Variants in EBF2 observed in about 807,000 individuals in gnomAD.
EBF2 encodes the protein transcription factor COE2.
A neutral mutation model predicts 72.8 loss-of-function variants in EBF2; 21 were observed. The ratio of observed to expected loss-of-function variants is 0.29; its 90% CI spans 0.20 to 0.42. EBF2 has a LOEUF of 0.42. Ranked by LOEUF, EBF2 falls within the 10% of genes least tolerant of loss-of-function variation. The probability of loss-of-function intolerance (pLI) is 1.00; values close to 1 mark genes in which losing one functional copy is unlikely to be tolerated. For synonymous variants in EBF2, 299 were observed against 274.2 expected (o/e 1.09, Z -0.89); for missense variants, 637 against 731.2 (o/e 0.87, Z 1.49).
chr8:25,871,245 G>A (rs1410337696), intron 10 of EBF2, among the ~76,000 whole-genome samples: 1 of 152,062 alleles, frequency 6.6e-6, no homozygotes, highest in Non-Finnish European at 1.5e-5. Flanking sequence ...TAGCTAATGA[G>A]GTGCCCAAGA....
At chr8:26,006,512 T>C (rs942045509) in intron 6 of EBF2, among the ~76,000 whole-genome samples, 1 of 152,244 alleles carries the variant, frequency 6.6e-6, no homozygotes, top group Non-Finnish European at 1.5e-5. Context: ...TCTTCATGGA[T>C]GTAGGGTTGT....
At chr8:25,879,937 A>G (rs996023948) in intron 10 of EBF2, among the ~76,000 whole-genome samples, 3 of 152,134 alleles carry the variant, frequency 2.0e-5, no homozygotes, top group Non-Finnish European at 4.4e-5. Context: ...GCATTTATTT[A>G]TTAGTGCAGT....
chr8:25,935,788 T>C (rs1223143288), intron 6 of EBF2, among the ~76,000 whole-genome samples: 1 of 152,228 alleles, frequency 6.6e-6, no homozygotes, highest in Non-Finnish European at 1.5e-5. Context: ...GATGTAGATG[T>C]CCTTCTTTTT....
At chr8:25,973,709 C>T (rs1249534347) in intron 6 of EBF2, among the ~76,000 whole-genome samples, 1 of 152,116 alleles carries the variant, frequency 6.6e-6, no homozygotes, top group Non-Finnish European at 1.5e-5. Context: ...CAGGGTCACA[C>T]TCTGTTGCCC....
intron 7 of EBF2, among the ~76,000 whole-genome samples, chr8:25,896,243 A>C (rs1802862648): frequency 6.6e-6 from 1 of 152,232 alleles, no homozygotes; most frequent in African/African-American, 2.4e-5. Flanking sequence ...CGTATGGGCC[A>C]GAGTCTTTGC....
At chr8:25,935,618 T>G (rs1407814002) in intron 6 of EBF2, among the ~76,000 whole-genome samples, 1 of 152,190 alleles carries the variant, frequency 6.6e-6, no homozygotes, top group Non-Finnish European at 1.5e-5. Context: ...GGTTGACACA[T>G]GTCACCCGGC....
chr8:25,870,944 C>G (rs1802428616), intron 10 of EBF2, among the ~76,000 whole-genome samples: 2 of 152,118 alleles, frequency 1.3e-5, no homozygotes, highest in African/African-American at 4.8e-5. Context: ...CTCACACATA[C>G]ACACCGACAG....
intron 6 of EBF2, among the ~76,000 whole-genome samples, chr8:26,023,339 TA>T (rs1319304872): frequency 1.3e-5 from 2 of 152,172 alleles, no homozygotes; most frequent in Non-Finnish European, 2.9e-5. Flanking sequence ...AATTTTAGAG[TA>T]CTGTTCTTCT....
At chr8:26,024,758 C>A (rs1406036340) in intron 6 of EBF2, among the ~76,000 whole-genome samples, 3 of 152,128 alleles carry the variant, frequency 2.0e-5, no homozygotes, top group Non-Finnish European at 4.4e-5. Flanking sequence ...ATTGCCCTGA[C>A]TTTTTTTAAA....
intron 5 of EBF2, among the ~76,000 whole-genome samples, chr8:26,033,942 T>G (rs553413757): frequency 6.6e-6 from 1 of 152,334 alleles, no homozygotes; most frequent in African/African-American, 2.4e-5. Flanking sequence ...AACTTTCCCA[T>G]GAGTCATATT....
chr8:25,942,583 C>T (rs1234019979), intron 6 of EBF2, among the ~76,000 whole-genome samples: 14 of 152,218 alleles, frequency 9.2e-5, no homozygotes, highest in Non-Finnish European at 2.9e-5. Flanking sequence ...TAACCCCAGC[C>T]CCCTCCTCAG....
intron 7 of EBF2, among the ~76,000 whole-genome samples, chr8:25,905,819 T>C (rs1207748403): frequency 6.6e-6 from 1 of 152,150 alleles, no homozygotes; most frequent in East Asian, 1.9e-4. Flanking sequence ...GTTAAAATGG[T>C]GAATTGTATG....
intron 6 of EBF2, among the ~76,000 whole-genome samples, chr8:25,923,128 C>A (rs987870127): frequency 2.0e-5 from 3 of 152,052 alleles, no homozygotes; most frequent in Non-Finnish European, 4.4e-5. Context: ...GCCACAGGTC[C>A]CTCGGGAAGG....
At chr8:25,983,404 T>C (rs1298104511) in intron 6 of EBF2, among the ~76,000 whole-genome samples, 2 of 152,238 alleles carry the variant, frequency 1.3e-5, no homozygotes, top group Non-Finnish European at 2.9e-5. Flanking sequence ...ACTTTTTTCT[T>C]CTTCTATGTT....
At position 25,912,944 on chromosome 8, in the gene EBF2, A is replaced by C. The variant is rs79261249; in HGVS notation, c.552-4389T>G. 1.8e-3 allele frequency among the ~76,000 whole-genome samples: 267 copies of C among 152,286 alleles called. 2 individuals carry two copies. The highest frequency in any genetic ancestry group is 6.2e-3 in the African/African-American group (258 of 41,548). On this transcript the variant is annotated intron_variant, in intron 6 of 15. Transcript: ENST00000520164. ...AACGAGATGCACAAATACAGTGCAG[A>C]GTTAAGGTTCCGTGGTGGGGACAGG...
chr8:26,006,545 T>C (rs1429432495), intron 6 of EBF2, among the ~76,000 whole-genome samples: 2 of 152,212 alleles, frequency 1.3e-5, no homozygotes, highest in African/African-American at 2.4e-5. Context: ...CATTATTCCT[T>C]ATGACTCTAT....
At chr8:26,036,333 C>A (rs1805500242) in intron 5 of EBF2, among the ~76,000 whole-genome samples, 1 of 151,916 alleles carries the variant, frequency 6.6e-6, no homozygotes. Context: ...TGCAGATAAA[C>A]TTTAGGATCC....
chr8:26,022,902 G>A (rs1027996871), intron 6 of EBF2, among the ~76,000 whole-genome samples: 1 of 152,168 alleles, frequency 6.6e-6, no homozygotes, highest in Non-Finnish European at 1.5e-5. Flanking sequence ...CTGATCAAAT[G>A]TCCCCTCCAG....
chr8:25,959,015 G>C (rs538282008), intron 6 of EBF2, among the ~76,000 whole-genome samples: 1 of 152,206 alleles, frequency 6.6e-6, no homozygotes, highest in Non-Finnish European at 1.5e-5. Flanking sequence ...ACCTCATAAG[G>C]TTAGGCTGAG....
Sources: allele counts gnomAD v4.1 joint callset (sites outside exome capture counted in the v4.1 genomes callset), GRCh38; gene constraint gnomAD v4.1.1; transcripts MANE v1.5; gene names NCBI Gene and HGNC (gene_info 2026-07-23, HGNC 2026-07-21).